The following COL28A1 variants were observed in gnomAD, a reference collection of about 807,000 sequenced individuals.
COL28A1 encodes the protein collagen alpha-1(XXVIII) chain.
COL28A1 carries 161 observed loss-of-function variants against 150.2 expected under a neutral mutation model. The ratio of observed to expected loss-of-function variants is 1.07; its 90% CI spans 0.94 to 1.22. The LOEUF (loss-of-function observed/expected upper bound fraction) is 1.22, where lower values mean the gene tolerates loss of function less well. COL28A1 is among the 50% of genes most tolerant of loss of function. COL28A1 has a pLI of 0.00. For synonymous variants in COL28A1, 552 were observed against 469.7 expected, an observed-to-expected ratio of 1.18 and a Z score of -2.26; for missense variants, 1,617 against 1,388.3, an observed-to-expected ratio of 1.16 and a Z score of -2.62.
At chr7:7,477,759 T>C (rs1462126424) in intron 13 of COL28A1, among the ~76,000 whole-genome samples, 1 of 152,156 alleles carries the variant, frequency 6.6e-6, no homozygotes, top group Non-Finnish European at 1.5e-5. Flanking sequence ...AGAACAAAGC[T>C]TCCACGGTAT....
chr7:7,400,617 T>C (rs189028997), intron 27 of COL28A1, among the ~76,000 whole-genome samples: 2 of 152,160 alleles, frequency 1.3e-5, no homozygotes, highest in East Asian at 3.9e-4. Context: ...CCTTCCTCTT[T>C]GGCATTACAG....
intron 25 of COL28A1, among the ~76,000 whole-genome samples, chr7:7,421,423 T>C (rs781190644): frequency 4.8e-4 from 73 of 152,306 alleles, no homozygotes; most frequent in Non-Finnish European, 4.1e-4. Context: ...AACCATTGAA[T>C]TTTATACTTA....
In COL28A1 at chr7:7,437,447, T is replaced by TA. The variant is rs1179558782; in HGVS notation, c.1737dup (p.Met580TyrfsTer21). On this transcript the variant is annotated frameshift_variant, in exon 22 of 35. Coordinates refer to ENST00000399429, the MANE Select transcript of COL28A1 (RefSeq NM_001037763.3). LOFTEE classifies it high-confidence loss of function. ...GTTCCAGGCATTCCAAAAGGGCCCA[T>TA]AATGCCCGGTTCACCCTTAAAAAGA... The TA allele has an allele frequency of 1.2e-6, 2 of 1,613,544 alleles. No homozygotes were observed. The highest frequency in any genetic ancestry group is 1.7e-6 in the Non-Finnish European group (2 of 1,179,888).
chr7:7,342,901 T>C, the COL28A1 span, among the ~76,000 whole-genome samples: 2 of 152,070 alleles, frequency 1.3e-5, no homozygotes. Flanking sequence ...AGAATCCTTT[T>C]TTTTATATAA....
intron 21 of COL28A1, among the ~76,000 whole-genome samples, chr7:7,438,367 G>A (rs7778810): frequency 1.7e-4 from 26 of 152,234 alleles, no homozygotes; most frequent in African/African-American, 5.8e-4. Flanking sequence ...TGGAGCAACA[G>A]GTAATTCTCC....
chr7:7,424,449 G>A (rs1010551952), intron 25 of COL28A1, among the ~76,000 whole-genome samples: 1 of 152,100 alleles, frequency 6.6e-6, no homozygotes, highest in African/African-American at 2.4e-5. Flanking sequence ...TAAGAAGTGC[G>A]TTGACCTGTG....
At position 7,373,007 on chromosome 7, in the gene COL28A1, T is replaced by C. The variant is rs1222582651; in HGVS notation, c.2899A>G (p.Thr967Ala). ...AGATAGCCTTCCTTACCTTGCAGGG[T>C]AAAGAAATCATCAAACTGGTAAACA... is the stretch of plus-strand genomic sequence containing the variant. Reference protein sequence around the residue: ...EHVYQFDDFFTLQDTLKQKLF... With the variant: ...EHVYQFDDFFALQDTLKQKLF... The change falls in exon 32 of 35, where the codon ACC becomes GCC. Residue 967 changes from threonine (T) to alanine (A), a missense_variant. Transcript: ENST00000399429. The surrounding 1 kb of genome is among the most constrained non-coding windows in gnomAD (Gnocchi z 4.1). The C allele has an allele frequency of 1.2e-6, 2 of 1,613,150 alleles. No individual in the cohort carries two copies. The highest frequency in any genetic ancestry group is 2.7e-5 in the African/African-American group (2 of 74,900).
intron 15 of COL28A1, among the ~76,000 whole-genome samples, chr7:7,462,091 G>A (rs763405930): frequency 2.0e-5 from 3 of 152,110 alleles, no homozygotes; most frequent in Non-Finnish European, 2.9e-5. Context: ...CCTGGAGCCC[G>A]GTAGACTTGC....
the COL28A1 span, among the ~76,000 whole-genome samples, chr7:7,543,539 C>T: frequency 4.6e-5 from 7 of 152,038 alleles, no homozygotes; most frequent in Non-Finnish European, 7.4e-5. Context: ...GTAAAAAGTC[C>T]TACTATGTCA....
At chr7:7,451,654 A>G (rs948115374) in intron 18 of COL28A1, among the ~76,000 whole-genome samples, 4 of 152,162 alleles carry the variant, frequency 2.6e-5, no homozygotes, top group Admixed American at 6.5e-5. Context: ...TGACATATAT[A>G]TAACATAATA....
chr7:7,525,981 C>T (rs904293462), intron 3 of COL28A1, among the ~76,000 whole-genome samples: 1 of 152,180 alleles, frequency 6.6e-6, no homozygotes, highest in Admixed American at 6.5e-5. Context: ...AATTACTAGC[C>T]ATGTAAATCC....
At chr7:7,378,753 T>A (rs898963725) in intron 30 of COL28A1, among the ~76,000 whole-genome samples, 1 of 152,168 alleles carries the variant, frequency 6.6e-6, no homozygotes, top group Non-Finnish European at 1.5e-5. Context: ...CAACCTGACT[T>A]GTGTGTCTCC....
Position 7,452,402 on chromosome 7 carries a change from G to A in COL28A1, c.1441-15C>T. ...CCTACTTCTCCCTAGTAAGAAAAGAGTTTAATACAGCAGCAAAGTGAAAAT... is the reference window on the plus strand; with the variant it reads ...CCTACTTCTCCCTAGTAAGAAAAGAATTTAATACAGCAGCAAAGTGAAAAT... On this transcript the variant is annotated splice_polypyrimidine_tract_variant and intron_variant, in intron 17 of 34. Coordinates refer to ENST00000399429, the MANE Select transcript of COL28A1 (RefSeq NM_001037763.3). 6.3e-7 allele frequency: 1 copy of A among 1,584,044 alleles called. No individual in the cohort carries two copies. Among genetic ancestry groups the A allele is most frequent in the Admixed American group, 2.0e-5 (1 of 49,040 alleles).
At chr7:7,506,334 A>G (rs1419349902) in intron 10 of COL28A1, among the ~76,000 whole-genome samples, 1 of 152,152 alleles carries the variant, frequency 6.6e-6, no homozygotes, top group Non-Finnish European at 1.5e-5. Flanking sequence ...CATTATTCCA[A>G]CGTTCTTGAC....
intron 30 of COL28A1, among the ~76,000 whole-genome samples, chr7:7,375,860 G>A (rs1029554110): frequency 7.9e-5 from 12 of 152,116 alleles, no homozygotes; most frequent in African/African-American, 2.7e-4. Flanking sequence ...ACATACCTAC[G>A]GTGCTGTGGT....
At chr7:7,361,296 CT>C (rs137951741) in intron 33 of COL28A1, among the ~76,000 whole-genome samples, 117,899 of 151,758 alleles carry the variant, frequency 0.78, 45,986 homozygotes, top group East Asian at 0.87. Flanking sequence ...AGGCATTTTA[CT>C]TTTTTTTTAA....
intron 27 of COL28A1, among the ~76,000 whole-genome samples, chr7:7,403,144 G>T (rs866270657): frequency 6.6e-6 from 1 of 152,068 alleles, no homozygotes; most frequent in Non-Finnish European, 1.5e-5. Flanking sequence ...TCTAATATGA[G>T]CCCTGATATG....
In COL28A1 at chr7:7,508,723, C is replaced by T. The variant is rs143569440; in HGVS notation, c.928-1562G>A. 4.6e-3 allele frequency among the ~76,000 whole-genome samples: 702 copies of T among 152,230 alleles called. 5 individuals carry two copies. Among genetic ancestry groups the T allele is most frequent in the East Asian group, 0.022 (115 of 5,184 alleles). On this transcript the variant is annotated intron_variant, in intron 9 of 34. Transcript: ENST00000399429. ...TTGAGACAGGGTCTTGCTCTGTTGCCCAGGCTGGAGTAGCTCACTGCAGCC... is the reference window on the plus strand; with the variant it reads ...TTGAGACAGGGTCTTGCTCTGTTGCTCAGGCTGGAGTAGCTCACTGCAGCC...
At chr7:7,493,065 T>C (rs1780014147) in intron 11 of COL28A1, among the ~76,000 whole-genome samples, 1 of 147,522 alleles carries the variant, frequency 6.8e-6, no homozygotes, top group Non-Finnish European at 1.5e-5. Flanking sequence ...ATAATATATA[T>C]ATATATACCA....
Sources: allele counts gnomAD v4.1 joint callset (sites outside exome capture counted in the v4.1 genomes callset), GRCh38; gene constraint gnomAD v4.1.1; non-coding constraint Gnocchi (gnomAD v3.1); transcripts MANE v1.5; gene names NCBI Gene and HGNC (gene_info 2026-07-23, HGNC 2026-07-21).